COL14A1: variants seen among roughly 807,000 people sequenced by gnomAD.
COL14A1 encodes the protein collagen alpha-1(XIV) chain.
In COL14A1, 136 loss-of-function variants were observed where a neutral mutation model predicts 230.3. The observed-to-expected ratio is 0.59, with a 90% CI of 0.51 to 0.68. COL14A1 has a LOEUF of 0.68. COL14A1 is among the 30% of genes least tolerant of loss of function. The probability of loss-of-function intolerance (pLI) is 0.00; values close to 1 mark genes in which losing one functional copy is unlikely to be tolerated. For missense variants in COL14A1, 1,976 were observed against 2,215.8 expected (o/e 0.89, Z 2.17); for synonymous variants, 792 against 784.1 (o/e 1.01, Z -0.17).
At chr8:120,153,680 G>C (rs1815366993) in intron 2 of COL14A1, among the ~76,000 whole-genome samples, 1 of 152,100 alleles carries the variant, frequency 6.6e-6, no homozygotes, top group African/African-American at 2.4e-5. Context: ...GAAATTTTTG[G>C]TTGTGAATAA....
At chr8:120,201,187 A>G (rs1817237023) in intron 8 of COL14A1, among the ~76,000 whole-genome samples, 1 of 152,118 alleles carries the variant, frequency 6.6e-6, no homozygotes, top group Non-Finnish European at 1.5e-5. Flanking sequence ...TTTTTCATTT[A>G]CAGAAGAAAG....
chr8:120,244,700 C>A (rs1435586933), intron 20 of COL14A1, among the ~76,000 whole-genome samples: 2 of 152,178 alleles, frequency 1.3e-5, no homozygotes, highest in Non-Finnish European at 2.9e-5. Context: ...CAGGTTGCTG[C>A]AAATGCCATT....
At chr8:120,247,284 G>A (rs571066096) in intron 20 of COL14A1, among the ~76,000 whole-genome samples, 231 of 152,248 alleles carry the variant, frequency 1.5e-3, no homozygotes, top group African/African-American at 5.2e-3. Context: ...TTAGCCAGAC[G>A]TGGTGGTACG....
At chr8:120,208,428 GA>G in intron 11 of COL14A1, 67 bp downstream of exon 11, 1 of 1,521,822 alleles carries the variant, frequency 6.6e-7, no homozygotes, top group South Asian at 1.2e-5. Flanking sequence ...TTCTTAAATT[GA>G]AATTCTGCTC....
intron 13 of COL14A1, among the ~76,000 whole-genome samples, chr8:120,213,164 G>A (rs1817660189): frequency 6.6e-6 from 1 of 151,982 alleles, no homozygotes; most frequent in African/African-American, 2.4e-5. Flanking sequence ...AAATTTTGTT[G>A]GTAAGGCTAA....
intron 37 of COL14A1, among the ~76,000 whole-genome samples, chr8:120,312,437 C>A (rs1821075729): frequency 6.6e-6 from 1 of 152,136 alleles, no homozygotes; most frequent in South Asian, 2.1e-4. Context: ...CACAATCAAA[C>A]ACTTCTTTGT....
chr8:120,336,080 A>G (rs1374761534), intron 42 of COL14A1, among the ~76,000 whole-genome samples: 1 of 152,184 alleles, frequency 6.6e-6, no homozygotes, highest in Non-Finnish European at 1.5e-5. Flanking sequence ...TACATGTAAG[A>G]TTACATGGTG....
At chr8:120,234,964 G>A (rs187813790) in intron 19 of COL14A1, among the ~76,000 whole-genome samples, 2 of 152,186 alleles carry the variant, frequency 1.3e-5, no homozygotes, top group Non-Finnish European at 1.5e-5. Flanking sequence ...TGGTTGGTAG[G>A]CTATTAATTA....
At chr8:120,196,078 T>C (rs1651760969) in intron 5 of COL14A1, among the ~76,000 whole-genome samples, 2 of 152,192 alleles carry the variant, frequency 1.3e-5, no homozygotes, top group African/African-American at 2.4e-5. Flanking sequence ...ATAGGTACCA[T>C]GGCCACTGGG....
chr8:120,238,468 C>T (rs756289489), intron 19 of COL14A1, among the ~76,000 whole-genome samples: 66 of 152,124 alleles, frequency 4.3e-4, no homozygotes, highest in Non-Finnish European at 7.6e-4. Context: ...CCACCAAGCT[C>T]GAGCATCCCA....
In COL14A1 at chr8:120,286,480, C is replaced by T. The variant is rs201529899; in HGVS notation, c.4077+510C>T. Among the ~76,000 whole-genome samples the T allele has an allele frequency of 7.9e-5, 12 of 152,120 alleles. No homozygotes were observed. In the East Asian group the frequency reaches 1.9e-3, roughly 25 times the overall value. On this transcript the variant is annotated intron_variant, in intron 33 of 47. Transcript: ENST00000297848. ...AAAAATTTTATAAAACCTAAGTTTA[C>T]TTGTCATTATTTAATTTAATTTATT...
Position 120,369,218 on chromosome 8 carries a change from C to T in COL14A1, c.5156-112C>T, listed in dbSNP as rs563292687. ...ACTCAATGAGTAGAAAGAGGTTGTC[C>T]TAATTGTCCTAAAAGTTGCTTCTTC... On this transcript the variant is annotated intron_variant, in intron 46 of 47. Transcript: ENST00000297848. The T allele has an allele frequency of 9.0e-6, 10 of 1,105,554 alleles. No homozygotes were observed. The South Asian group carries it at 1.3e-4, about 14-fold the overall frequency. 68.5% of individuals were successfully genotyped at this position (1,105,554 alleles called of 1,614,324 possible). A position where few individuals can be genotyped will look rare whatever the true frequency, so the allele number is the denominator to read the frequency against.
intron 5 of COL14A1, among the ~76,000 whole-genome samples, chr8:120,183,440 A>T (rs899586890): frequency 6.6e-6 from 1 of 152,118 alleles, no homozygotes; most frequent in Admixed American, 6.5e-5. Context: ...AGATTTTAGT[A>T]TTTCCCAAGA....
At chr8:120,184,072 G>A (rs566296177) in intron 5 of COL14A1, among the ~76,000 whole-genome samples, 1 of 152,046 alleles carries the variant, frequency 6.6e-6, no homozygotes, top group South Asian at 2.1e-4. Flanking sequence ...GATTAATACT[G>A]GACTTAGATG....
At chr8:120,200,711 CTATTTATATATATATATA>C (rs1305266792) in intron 8 of COL14A1, among the ~76,000 whole-genome samples, 50 of 76,812 alleles carry the variant, frequency 6.5e-4, no homozygotes, top group African/African-American at 2.0e-3. Context: ...AAAAGTTTTC[CTATTTATATATATATATA>C]TATATATATA....
In COL14A1 at chr8:120,125,181, AGGAGAG is replaced by A. The variant is rs1374748360; in HGVS notation, c.-190_-185del. ...CTGGAAGTGGAAGCGCAGCGGCAGA[AGGAGAG>A]GGAGAGAGAAAGAGAGAGAGGCTAA... On this transcript the variant is annotated 5_prime_UTR_variant, in exon 1 of 48. Coordinates refer to ENST00000297848, the MANE Select transcript of COL14A1 (RefSeq NM_021110.4). 6.5e-6 allele frequency: 1 copy of A among 152,696 alleles called. No homozygotes were observed. Among genetic ancestry groups the A allele is most frequent in the African/African-American group, 2.4e-5 (1 of 41,484 alleles). 9.5% of individuals were successfully genotyped at this position (152,696 alleles called of 1,614,324 possible). A position where few individuals can be genotyped will look rare whatever the true frequency, so the allele number is the denominator to read the frequency against.
chr8:120,225,027 T>C (rs1467991761), intron 14 of COL14A1, 61 bp from the exon 15 acceptor site: 5 of 1,507,192 alleles, frequency 3.3e-6, no homozygotes, highest in Non-Finnish European at 4.5e-6. Context: ...CAGACAATAA[T>C]AAAATGATTC....
At chr8:120,194,006 T>C (rs6981061) in intron 5 of COL14A1, among the ~76,000 whole-genome samples, 45,936 of 152,060 alleles carry the variant, frequency 0.3, 8,563 homozygotes, top group African/African-American at 0.53. Flanking sequence ...GCTTCCCGGG[T>C]GAGGCAATGC....
intron 26 of COL14A1, among the ~76,000 whole-genome samples, chr8:120,272,044 G>A (rs1374014861): frequency 1.3e-5 from 2 of 151,558 alleles, no homozygotes; most frequent in African/African-American, 4.8e-5. Context: ...TATTGTGAAA[G>A]AATGGCTAAG....
Sources: gnomAD v4.1 joint callset for allele counts (sites outside exome capture counted in the v4.1 genomes callset) on GRCh38, gnomAD v4.1.1 for gene constraint, MANE v1.5 for transcripts, NCBI Gene and HGNC (gene_info 2026-07-23, HGNC 2026-07-21) for gene names.